MGAT4C: variants seen among roughly 807,000 people sequenced by gnomAD.
The protein encoded by MGAT4C is MGAT4 family member C.
MGAT4C carries 19 observed loss-of-function variants against 40.1 expected under a neutral mutation model. That is an observed-to-expected ratio of 0.47 (90% CI 0.33 to 0.70). MGAT4C has a LOEUF of 0.70. Among genes scored for constraint, MGAT4C ranks in the 30% least tolerant of loss-of-function variants. The pLI is 0.02. For synonymous variants in MGAT4C, 181 were observed against 187.1 expected (o/e 0.97, Z 0.27); for missense variants, 491 against 563.2 (o/e 0.87, Z 1.30).
intron 4 of MGAT4C, among the ~76,000 whole-genome samples, chr12:86,306,910 G>A (rs1953946813): frequency 6.6e-6 from 1 of 150,430 alleles, no homozygotes; most frequent in South Asian, 2.1e-4. Context: ...ATATTAGTGA[G>A]TATAAGGGTA....
intron 1 of MGAT4C, among the ~76,000 whole-genome samples, chr12:86,793,067 T>C (rs1444170842): frequency 1.3e-5 from 2 of 152,214 alleles, no homozygotes; most frequent in Non-Finnish European, 1.5e-5. Context: ...CAATACCCTA[T>C]AGCTTATTTG....
chr12:86,625,981 C>T (rs1402172171), intron 2 of MGAT4C, among the ~76,000 whole-genome samples: 1 of 152,086 alleles, frequency 6.6e-6, no homozygotes, highest in African/African-American at 2.4e-5. Context: ...CACCTATATG[C>T]TGCCTTCAAG....
intron 1 of MGAT4C, among the ~76,000 whole-genome samples, chr12:86,838,423 G>A (rs1953084806): frequency 6.6e-6 from 1 of 152,136 alleles, no homozygotes; most frequent in Non-Finnish European, 1.5e-5. Flanking sequence ...AATGCAGCCT[G>A]CAGCACGGTT....
intron 2 of MGAT4C, among the ~76,000 whole-genome samples, chr12:86,520,984 T>C (rs1227365731): frequency 1.3e-5 from 2 of 152,144 alleles, no homozygotes; most frequent in East Asian, 1.9e-4. Context: ...TTGCCAGATA[T>C]ATAGTTTGAC....
chr12:86,625,460 GGAACATAACA>G (rs1368730149), intron 2 of MGAT4C, among the ~76,000 whole-genome samples: 6 of 152,028 alleles, frequency 3.9e-5, no homozygotes, highest in Admixed American at 3.9e-4. Context: ...GATTTGAAAA[GGAACATAACA>G]GAAACTAAAA....
chr12:86,626,485 G>A (rs1353435714), intron 2 of MGAT4C, among the ~76,000 whole-genome samples: 1 of 152,150 alleles, frequency 6.6e-6, no homozygotes, highest in African/African-American at 2.4e-5. Flanking sequence ...TGTTGTAGTT[G>A]TGGTTGTTTT....
intron 1 of MGAT4C, among the ~76,000 whole-genome samples, chr12:86,184,079 C>T (rs372161252): frequency 5.1e-4 from 77 of 152,254 alleles, no homozygotes; most frequent in African/African-American, 1.8e-3. Context: ...CTCTTTTCAC[C>T]ATTCACTAAT....
chr12:86,383,760 G>A (rs1328385362), intron 3 of MGAT4C, among the ~76,000 whole-genome samples: 1 of 152,076 alleles, frequency 6.6e-6, no homozygotes, highest in Non-Finnish European at 1.5e-5. Flanking sequence ...GACTTGCCTT[G>A]TCTCAGATGA....
intron 3 of MGAT4C, among the ~76,000 whole-genome samples, chr12:86,400,262 A>G (rs1292853609): frequency 1.3e-5 from 2 of 152,218 alleles, no homozygotes; most frequent in Non-Finnish European, 2.9e-5. Flanking sequence ...TATTATTCAC[A>G]CTATTACAAT....
intron 2 of MGAT4C, among the ~76,000 whole-genome samples, chr12:86,680,623 A>G (rs1171476910): frequency 6.6e-6 from 1 of 152,106 alleles, no homozygotes; most frequent in Non-Finnish European, 1.5e-5. Flanking sequence ...AATTCTTCAA[A>G]TAAATTATCT....
intron 2 of MGAT4C, chr12:86,002,256 T>G (rs1887401791): frequency 6.6e-6 from 1 of 152,200 alleles, no homozygotes; most frequent in Non-Finnish European, 1.5e-5. Context: ...AAAAATAGAT[T>G]GGATATTTTA....
In MGAT4C at chr12:86,766,466, G is replaced by A. The variant is rs539988697; in HGVS notation, c.-261-39225C>T. On this transcript the variant is annotated intron_variant, in intron 1 of 7. Coordinates refer to the MGAT4C transcript ENST00000548651. Reference sequence around the variant, plus strand: ...CAACATTAGAAAGATCAACGAGACAGAAAGTTAACAAGGATACCCGGGAAT... The same window carrying A: ...CAACATTAGAAAGATCAACGAGACAAAAAGTTAACAAGGATACCCGGGAAT... 5.9e-5 allele frequency among the ~76,000 whole-genome samples: 9 copies of A among 152,198 alleles called. 1 individual carries two copies. In the East Asian group the frequency reaches 1.7e-3, roughly 29 times the overall value.
chr12:86,424,764 A>C (rs1295338450), intron 3 of MGAT4C, among the ~76,000 whole-genome samples: 4 of 152,084 alleles, frequency 2.6e-5, no homozygotes, highest in Non-Finnish European at 4.4e-5. Flanking sequence ...AAATATATAT[A>C]CATACATATT....
intron 2 of MGAT4C, among the ~76,000 whole-genome samples, chr12:86,529,988 A>G (rs1255613666): frequency 6.6e-6 from 1 of 150,660 alleles, no homozygotes; most frequent in African/African-American, 2.4e-5. Context: ...TGGTTGTGGT[A>G]ATGTATTTAA....
intron 2 of MGAT4C, among the ~76,000 whole-genome samples, chr12:86,612,283 A>G (rs1255572742): frequency 1.3e-5 from 2 of 152,060 alleles, no homozygotes; most frequent in Admixed American, 6.6e-5. Flanking sequence ...ACCTACTAAA[A>G]TCATATGCAT....
At chr12:86,166,936 T>C (rs149048667) in intron 1 of MGAT4C, among the ~76,000 whole-genome samples, 115 of 152,338 alleles carry the variant, frequency 7.5e-4, no homozygotes, top group Non-Finnish European at 1.6e-4. Flanking sequence ...TTGGCAAGTA[T>C]GCATAATTAT....
chr12:86,263,699 G>A (rs1489758841), intron 4 of MGAT4C, among the ~76,000 whole-genome samples: 1 of 152,122 alleles, frequency 6.6e-6, no homozygotes, highest in Non-Finnish European at 1.5e-5. Flanking sequence ...CCAGTAGTGT[G>A]ACTGCTGTAT....
chr12:86,228,209 C>A (rs2136006286), intron 1 of MGAT4C, among the ~76,000 whole-genome samples: 1 of 150,222 alleles, frequency 6.7e-6, no homozygotes, highest in East Asian at 2.0e-4. Context: ...TTTCTGTAGA[C>A]CAAAAAAAGA....
intron 1 of MGAT4C, among the ~76,000 whole-genome samples, chr12:86,218,560 G>C (rs924299253): frequency 1.3e-5 from 2 of 152,044 alleles, no homozygotes; most frequent in Non-Finnish European, 2.9e-5. Flanking sequence ...CTATTTGTAT[G>C]GAGTGTTATT....
Sources: gnomAD v4.1 joint callset for allele counts (sites outside exome capture counted in the v4.1 genomes callset) on GRCh38, gnomAD v4.1.1 for gene constraint, MANE v1.5 for transcripts, NCBI Gene and HGNC (gene_info 2026-07-23, HGNC 2026-07-21) for gene names.